The following SAMTOR variants were observed in gnomAD, a reference collection of about 807,000 sequenced individuals.
SAMTOR encodes UPF0532 protein C7orf60.
the SAMTOR span, among the ~76,000 whole-genome samples, chr7:112,925,794 CAAAAA>C: frequency 9.3e-6 from 1 of 107,920 alleles, no homozygotes; most frequent in Non-Finnish European, 2.0e-5. Context: ...AGCTCTGTCT[CAAAAA>C]AAAAAAAAAA....
At chr7:112,876,341 G>A in the SAMTOR span, among the ~76,000 whole-genome samples, 1 of 152,130 alleles carries the variant, frequency 6.6e-6, no homozygotes, top group African/African-American at 2.4e-5. Context: ...CAACATGCAA[G>A]ATAAATATTT....
At chr7:112,895,351 G>T in the SAMTOR span, among the ~76,000 whole-genome samples, 1 of 151,874 alleles carries the variant, frequency 6.6e-6, no homozygotes, top group African/African-American at 2.4e-5. Context: ...CTCATTTTCA[G>T]TTAGAACAAC....
At chr7:112,853,306 A>G in the SAMTOR span, among the ~76,000 whole-genome samples, 1 of 152,164 alleles carries the variant, frequency 6.6e-6, no homozygotes, top group Non-Finnish European at 1.5e-5. Flanking sequence ...AATGATGTAT[A>G]TAAGCTATTC....
the SAMTOR span, among the ~76,000 whole-genome samples, chr7:112,934,068 A>G: frequency 6.6e-6 from 1 of 152,184 alleles, no homozygotes; most frequent in Non-Finnish European, 1.5e-5. Context: ...GGCTGTCACT[A>G]TGAACACCTT....
At chr7:112,922,589 G>C in the SAMTOR span, among the ~76,000 whole-genome samples, 45 of 151,230 alleles carry the variant, frequency 3.0e-4, no homozygotes, top group Admixed American at 3.3e-4. Context: ...TGAGATGTGG[G>C]GAGCGCCTCT....
chr7:112,923,540 A>G, the SAMTOR span, among the ~76,000 whole-genome samples: 10 of 152,340 alleles, frequency 6.6e-5, no homozygotes, highest in East Asian at 1.9e-3. Flanking sequence ...AAGTCAGGAA[A>G]CAACAGGTGC....
the SAMTOR span, among the ~76,000 whole-genome samples, chr7:112,930,749 C>A: frequency 6.6e-6 from 1 of 152,090 alleles, no homozygotes; most frequent in Admixed American, 6.5e-5. Context: ...AAGTGCTTTT[C>A]AAATATTAAC....
chr7:112,865,768 T>TTTC, the SAMTOR span, among the ~76,000 whole-genome samples: 1 of 137,856 alleles, frequency 7.3e-6, no homozygotes, highest in Non-Finnish European at 1.5e-5. Flanking sequence ...TTCATATATA[T>TTTC]ATTTCATATA....
chr7:112,852,253 C>G, the SAMTOR span, among the ~76,000 whole-genome samples: 3 of 152,112 alleles, frequency 2.0e-5, no homozygotes, highest in Admixed American at 6.5e-5. Flanking sequence ...TATATATGTA[C>G]ATACACATCA....
the SAMTOR span, among the ~76,000 whole-genome samples, chr7:112,873,551 T>C: frequency 7.2e-5 from 11 of 152,084 alleles, no homozygotes; most frequent in South Asian, 2.1e-4. Context: ...TCTCAGCATA[T>C]AGAAAAATTA....
chr7:112,847,361 A>G, the SAMTOR span, among the ~76,000 whole-genome samples: 1 of 152,226 alleles, frequency 6.6e-6, no homozygotes, highest in Non-Finnish European at 1.5e-5. Context: ...GGACCTGGAA[A>G]TTCCAGTATT....
At chr7:112,861,830 T>C in the SAMTOR span, among the ~76,000 whole-genome samples, 290 of 152,302 alleles carry the variant, frequency 1.9e-3, 1 homozygote, top group Non-Finnish European at 3.3e-3. Context: ...TTTTCCCGAA[T>C]AGTCTACTCC....
At chr7:112,919,018 T>C in the SAMTOR span, among the ~76,000 whole-genome samples, 5 of 152,198 alleles carry the variant, frequency 3.3e-5, no homozygotes, top group Non-Finnish European at 7.3e-5. Context: ...AACACCCCAC[T>C]GTCAACATTA....
At chr7:112,902,429 C>CAAAAAA in the SAMTOR span, among the ~76,000 whole-genome samples, 3 of 58,578 alleles carry the variant, frequency 5.1e-5, no homozygotes, top group South Asian at 8.4e-4. Flanking sequence ...AAAAAAAAAA[C>CAAAAAA]AAAAAAAAAC....
At chr7:112,863,482 C>T in the SAMTOR span, among the ~76,000 whole-genome samples, 1 of 152,102 alleles carries the variant, frequency 6.6e-6, no homozygotes, top group Non-Finnish European at 1.5e-5. Context: ...AAACTGTCAA[C>T]AGAGTGAACA....
chr7:112,936,177 C>T, the SAMTOR span, among the ~76,000 whole-genome samples: 1 of 152,168 alleles, frequency 6.6e-6, no homozygotes, highest in Middle Eastern at 3.4e-3. Context: ...TAGTGAAAAA[C>T]CTATCTTATG....
chr7:112,885,384 C>T, the SAMTOR span, among the ~76,000 whole-genome samples: 1 of 152,214 alleles, frequency 6.6e-6, no homozygotes, highest in East Asian at 1.9e-4. Context: ...ATCATATCAT[C>T]AGGCTGCAAA....
At chr7:112,868,772 G>A in the SAMTOR span, among the ~76,000 whole-genome samples, 4 of 152,228 alleles carry the variant, frequency 2.6e-5, no homozygotes, top group Admixed American at 2.6e-4. Context: ...GGCAGTGAGT[G>A]TGGAGAGTGC....
chr7:112,923,376 A>C, the SAMTOR span, among the ~76,000 whole-genome samples: 9 of 151,634 alleles, frequency 5.9e-5, no homozygotes, highest in Admixed American at 5.9e-4. Context: ...GGAAAACCAG[A>C]GACCTTTGTT....
Sources: allele counts gnomAD v4.1 joint callset (sites outside exome capture counted in the v4.1 genomes callset), GRCh38; gene constraint gnomAD v4.1.1; transcripts MANE v1.5; gene names NCBI Gene and HGNC (gene_info 2026-07-23, HGNC 2026-07-21).